The following CCND3 variants were observed in gnomAD, a reference collection of about 807,000 sequenced individuals.
The protein encoded by CCND3 is cyclin D3.
A neutral mutation model predicts 28.7 loss-of-function variants in CCND3; 9 were observed. The ratio of observed to expected loss-of-function variants is 0.31; its 90% CI spans 0.19 to 0.55. CCND3 has a LOEUF of 0.55. Among genes scored for constraint, CCND3 ranks in the 20% least tolerant of loss-of-function variants. CCND3 has a pLI of 0.93. For synonymous variants in CCND3, 164 were observed against 163.9 expected, an observed-to-expected ratio of 1.00 and a Z score of 0.00; for missense variants, 315 against 385.8, an observed-to-expected ratio of 0.82 and a Z score of 1.54.
At chr6:41,963,848 C>G (rs960188655) in intron 1 of CCND3, among the ~76,000 whole-genome samples, 3 of 152,146 alleles carry the variant, frequency 2.0e-5, no homozygotes, top group African/African-American at 7.2e-5. Flanking sequence ...CTGCCTGGAC[C>G]ACTCTTTCCC....
rs1289401910 is a variant in CCND3, at chr6:42,048,204, T to G, written c.-46+297A>C. On this transcript the variant is annotated intron_variant, in intron 1 of 4. Transcript: ENST00000372988. This position sits in a 1 kb window ranked among gnomAD's most constrained non-coding sequence, Gnocchi z 4.7. ...CTCCTACTGGCCTTCCACCCCATCT[T>G]TGAGGCATGAGAAGACCAACAGCCC... 4.4e-6 allele frequency: 1 copy of G among 229,334 alleles called. No homozygotes were observed. The highest frequency in any genetic ancestry group is 8.7e-6 in the Non-Finnish European group (1 of 114,704). The allele number at this position is 229,334 out of a possible 1,614,324, so 14.2% of individuals were successfully genotyped here. A position where few individuals can be genotyped will look rare whatever the true frequency, so the allele number is the denominator to read the frequency against.
intron 1 of CCND3, among the ~76,000 whole-genome samples, chr6:41,960,591 T>C (rs1260002823): frequency 2.0e-5 from 3 of 152,094 alleles, no homozygotes; most frequent in African/African-American, 4.8e-5. Context: ...ATCTGCAAAA[T>C]AGGGGAGTAC....
At chr6:42,032,346 CA>C in intron 1 of CCND3, among the ~76,000 whole-genome samples, 1 of 152,204 alleles carries the variant, frequency 6.6e-6, no homozygotes, top group Middle Eastern at 3.2e-3. Flanking sequence ...CTTGGCCTCC[CA>C]AACTTCTAGG....
Position 41,936,335 on chromosome 6 carries a change from A to C in CCND3, c.711+224T>G, listed in dbSNP as rs1775793942. On this transcript the variant is annotated intron_variant, in intron 4 of 4. Transcript: ENST00000372991. The surrounding 1 kb of genome is among the most constrained non-coding windows in gnomAD (Gnocchi z 4.4). ...AAACCCCCCACCCCCACTCCAGCAC[A>C]CCACTTGGCAAGAAAAGAACCCCTA... 1.5e-6 allele frequency: 1 copy of C among 659,854 alleles called. No homozygotes were observed. The allele number at this position is 659,854 out of a possible 1,614,324, so 40.9% of individuals were successfully genotyped here. A position where few individuals can be genotyped will look rare whatever the true frequency, so the allele number is the denominator to read the frequency against.
At chr6:41,949,031 C>T (rs1776239495) in intron 1 of CCND3, among the ~76,000 whole-genome samples, 1 of 151,860 alleles carries the variant, frequency 6.6e-6, no homozygotes, top group South Asian at 2.1e-4. Flanking sequence ...TGAGTGTGGC[C>T]ATAGATTCCC....
intron 1 of CCND3, among the ~76,000 whole-genome samples, chr6:42,039,422 T>TA (rs879439903): frequency 3.3e-5 from 5 of 152,144 alleles, no homozygotes; most frequent in Non-Finnish European, 5.9e-5. Context: ...CTGGACAGGG[T>TA]ATGTGGCATC....
intron 1 of CCND3, among the ~76,000 whole-genome samples, chr6:42,011,430 G>T (rs1048745796): frequency 6.6e-6 from 1 of 152,098 alleles, no homozygotes; most frequent in Admixed American, 6.6e-5. Flanking sequence ...TGACTAACTG[G>T]GAATTTATTA....
At chr6:42,037,289 G>A (rs1764247700) in intron 1 of CCND3, among the ~76,000 whole-genome samples, 1 of 145,688 alleles carries the variant, frequency 6.9e-6, no homozygotes, top group Admixed American at 7.1e-5. Flanking sequence ...CCAGGCTGGA[G>A]TGCAGTGGCA....
intron 1 of CCND3, among the ~76,000 whole-genome samples, chr6:42,027,389 G>A (rs1397150162): frequency 4.0e-5 from 6 of 150,830 alleles, no homozygotes; most frequent in East Asian, 1.9e-4. Context: ...GCAGCGAGCC[G>A]AGATCGCGCC....
intron 1 of CCND3, among the ~76,000 whole-genome samples, chr6:41,977,790 ACTT>A (rs535383877): frequency 1.1e-3 from 175 of 152,256 alleles, no homozygotes; most frequent in African/African-American, 3.8e-3. Flanking sequence ...CCTTGTTTGA[ACTT>A]CTTCAATGAT....
intron 1 of CCND3, among the ~76,000 whole-genome samples, chr6:41,972,281 G>A (rs1460893858): frequency 1.3e-5 from 2 of 150,012 alleles, no homozygotes; most frequent in Non-Finnish European, 3.0e-5. Context: ...AGAATCCTTT[G>A]CAGTTCTAAC....
chr6:41,999,228 AT>A (rs1336330142), intron 1 of CCND3, among the ~76,000 whole-genome samples: 2 of 138,490 alleles, frequency 1.4e-5, no homozygotes, highest in South Asian at 2.3e-4. Context: ...AAAAAAAAAA[AT>A]TTATAGAACT....
chr6:42,013,517 T>C (rs376617642), intron 1 of CCND3, among the ~76,000 whole-genome samples: 2 of 152,190 alleles, frequency 1.3e-5, no homozygotes, highest in African/African-American at 4.8e-5. Flanking sequence ...TAAATACATG[T>C]TGAGCAAATA....
intron 1 of CCND3, among the ~76,000 whole-genome samples, chr6:42,002,221 G>A (rs541425481): frequency 3.9e-5 from 6 of 151,974 alleles, no homozygotes; most frequent in Middle Eastern, 3.4e-3. Flanking sequence ...CGAGGTGGGC[G>A]GATCACTTGA....
chr6:42,049,294 C>T (rs996709012), upstream of CCND3, among the ~76,000 whole-genome samples: 1 of 152,244 alleles, frequency 6.6e-6, no homozygotes, highest in Non-Finnish European at 1.5e-5. Flanking sequence ...GCCTCGGCCT[C>T]TCAAAGTGCT....
At chr6:41,952,009 G>T (rs1028530461) in intron 1 of CCND3, among the ~76,000 whole-genome samples, 5 of 151,982 alleles carry the variant, frequency 3.3e-5, no homozygotes, top group African/African-American at 1.2e-4. Context: ...TGATCCACCC[G>T]CCTCGGCCTC....
intron 1 of CCND3, among the ~76,000 whole-genome samples, chr6:41,956,872 C>CA (rs1165494553): frequency 6.0e-5 from 9 of 150,522 alleles, no homozygotes; most frequent in East Asian, 1.9e-4. Flanking sequence ...ACTAAAAATA[C>CA]AAAAAAAAAT....
chr6:42,031,007 G>A (rs1054977107), intron 1 of CCND3, among the ~76,000 whole-genome samples: 4 of 152,138 alleles, frequency 2.6e-5, no homozygotes, highest in African/African-American at 9.6e-5. Flanking sequence ...ATTCTCCTGG[G>A]GGCACAGCTG....
chr6:41,976,512 G>A (rs1003941781), intron 1 of CCND3, among the ~76,000 whole-genome samples: 2 of 152,014 alleles, frequency 1.3e-5, no homozygotes, highest in South Asian at 2.1e-4. Context: ...AATTAGCCAG[G>A]TGTGGTGGCA....
Sources: gnomAD v4.1 joint callset for allele counts (sites outside exome capture counted in the v4.1 genomes callset) on GRCh38, gnomAD v4.1.1 for gene constraint, Gnocchi (gnomAD v3.1) non-coding constraint, MANE v1.5 for transcripts, NCBI Gene and HGNC (gene_info 2026-07-23, HGNC 2026-07-21) for gene names.